The following EYS variants were observed in gnomAD, a reference collection of about 807,000 sequenced individuals.
EYS encodes protein eyes shut homolog.
In EYS, 250 loss-of-function variants were observed where a neutral mutation model predicts 282.1. That is an observed-to-expected ratio of 0.89 (90% CI 0.80 to 0.98). The LOEUF (loss-of-function observed/expected upper bound fraction) is 0.98. Among genes scored for constraint, EYS ranks in the 50% least tolerant of loss-of-function variants. The pLI is 0.00. For missense variants in EYS, 4,016 were observed against 3,709.0 expected (o/e 1.08, Z -2.15); for synonymous variants, 1,355 against 1,282.9 (o/e 1.06, Z -1.20).
intron 31 of EYS, among the ~76,000 whole-genome samples, chr6:64,092,826 C>T (rs550666660): frequency 0.014 from 2,058 of 150,146 alleles, 34 homozygotes; most frequent in African/African-American, 0.042. Context: ...GAAGTCCTTG[C>T]CCATGCCTAT....
chr6:64,005,184 G>T (rs1330138589), intron 33 of EYS, among the ~76,000 whole-genome samples: 3 of 152,128 alleles, frequency 2.0e-5, no homozygotes, highest in African/African-American at 7.2e-5. Flanking sequence ...GTATCTCCTT[G>T]TGGTTTTGAT....
In EYS at chr6:64,907,218, T is replaced by C. The variant is rs536822952; in HGVS notation, c.2642-4718A>G. Among the ~76,000 whole-genome samples, 4 of 152,238 alleles carry C rather than the reference T, an allele frequency of 2.6e-5. No individual in the cohort carries two copies. In the South Asian group the frequency reaches 8.3e-4, roughly 32 times the overall value. On this transcript the variant is annotated intron_variant, in intron 16 of 42. Coordinates refer to ENST00000503581, the MANE Select transcript of EYS (RefSeq NM_001142800.2). ...GCAGGCATGAACCACCACGCACTGC[T>C]AATTTTTTTTAAATTTTTTTGTAGA... is the stretch of plus-strand genomic sequence containing the variant.
intron 11 of EYS, chr6:65,300,759 T>G (rs1582116073): frequency 6.6e-6 from 1 of 152,248 alleles, no homozygotes; most frequent in African/African-American, 2.4e-5. Flanking sequence ...GTCTGTATTC[T>G]TTTACCTACA....
At chr6:64,571,648 G>T (rs764297519) in intron 26 of EYS, among the ~76,000 whole-genome samples, 1 of 151,946 alleles carries the variant, frequency 6.6e-6, no homozygotes, top group Non-Finnish European at 1.5e-5. Context: ...TGCTATAAAC[G>T]TCTCTATGCA....
At chr6:65,109,490 A>G (rs1016312164) in intron 12 of EYS, among the ~76,000 whole-genome samples, 6 of 152,000 alleles carry the variant, frequency 3.9e-5, no homozygotes, top group Admixed American at 3.9e-4. Flanking sequence ...ATTTGTCATT[A>G]CAAGAGTTGT....
intron 12 of EYS, among the ~76,000 whole-genome samples, chr6:65,114,421 G>A (rs1442801050): frequency 6.8e-6 from 1 of 147,494 alleles, no homozygotes; most frequent in Non-Finnish European, 1.5e-5. Context: ...CTGAAATCCT[G>A]GCATTCTTAT....
intron 12 of EYS, among the ~76,000 whole-genome samples, chr6:65,181,457 A>G (rs138733511): frequency 0.22 from 33,965 of 152,158 alleles, 3,947 homozygotes; most frequent in Middle Eastern, 0.24. Flanking sequence ...ACATGAAAAA[A>G]TGCTCACCAT....
intron 2 of EYS, among the ~76,000 whole-genome samples, chr6:65,521,105 A>G (rs1319155370): frequency 6.6e-6 from 1 of 152,174 alleles, no homozygotes; most frequent in Non-Finnish European, 1.5e-5. Context: ...AATTAAGAGA[A>G]AAATATAGTT....
chr6:65,558,981 T>C (rs1349583729), intron 2 of EYS, among the ~76,000 whole-genome samples: 1 of 152,160 alleles, frequency 6.6e-6, no homozygotes, highest in African/African-American at 2.4e-5. Flanking sequence ...TTAAAATCTG[T>C]TTAGAAACAT....
At chr6:65,382,457 CTG>C (rs55949006) in intron 8 of EYS, among the ~76,000 whole-genome samples, 5,645 of 111,802 alleles carry the variant, frequency 0.05, 141 homozygotes, top group Middle Eastern at 0.092. Context: ...CTCCTTTCCT[CTG>C]TGTGTGTGTG....
chr6:65,196,501 C>T (rs1442007373), intron 12 of EYS, among the ~76,000 whole-genome samples: 3 of 152,080 alleles, frequency 2.0e-5, no homozygotes, highest in Non-Finnish European at 4.4e-5. Flanking sequence ...CAATCACCTG[C>T]ATAGGGCAAT....
intron 2 of EYS, among the ~76,000 whole-genome samples, chr6:65,519,708 A>ATATATATATATATATTTTTT (rs1554205854): frequency 2.3e-5 from 1 of 42,560 alleles, no homozygotes; most frequent in African/African-American, 1.3e-4. Flanking sequence ...ATATATATAT[A>ATATATATATATATATTTTTT]TTTTTTTTTT....
intron 31 of EYS, among the ~76,000 whole-genome samples, chr6:64,121,010 A>G (rs1486582537): frequency 2.0e-5 from 3 of 151,994 alleles, no homozygotes; most frequent in African/African-American, 7.3e-5. Flanking sequence ...TGTTTTGATG[A>G]CTGTCAGCTA....
rs564151798 is a variant in EYS at position 64,590,763 on chromosome 6, A to G, written c.5104T>C (p.Leu1702=). The change falls in exon 26 of 43, where the codon TTG becomes CTG. Residue 1702 remains leucine, a synonymous_variant. Coordinates refer to ENST00000503581, the MANE Select transcript of EYS (RefSeq NM_001142800.2). ...LSVSENILKL[L]KIRQYGITMG... ...GTTATGCCATATTGTCTTATTTTCA[A>G]TAGTTTTAAAATGTTTTCTGATACT... 1.9e-5 allele frequency: 30 copies of G among 1,550,890 alleles called. No individual in the cohort carries two copies. In the African/African-American group the frequency reaches 3.0e-4, roughly 16 times the overall value.
At chr6:65,372,143 T>A (rs1316984921) in intron 8 of EYS, among the ~76,000 whole-genome samples, 5 of 151,870 alleles carry the variant, frequency 3.3e-5, no homozygotes, top group African/African-American at 9.7e-5. Flanking sequence ...TTAAAAAAAA[T>A]AAGATAAAAC....
intron 30 of EYS, among the ~76,000 whole-genome samples, chr6:64,245,894 C>T (rs1766996489): frequency 6.6e-6 from 1 of 151,754 alleles, no homozygotes; most frequent in Non-Finnish European, 1.5e-5. Flanking sequence ...TGGCGCACGC[C>T]TGTAGTCCCA....
intron 22 of EYS, among the ~76,000 whole-genome samples, chr6:64,650,323 C>T (rs967807240): frequency 3.3e-5 from 5 of 151,750 alleles, no homozygotes; most frequent in Non-Finnish European, 7.4e-5. Context: ...AGTGGTAACA[C>T]ATTAATTTAA....
intron 16 of EYS, among the ~76,000 whole-genome samples, chr6:64,904,620 G>A (rs1295120436): frequency 6.6e-6 from 1 of 152,206 alleles, no homozygotes; most frequent in Non-Finnish European, 1.5e-5. Flanking sequence ...CTTTAAGTCT[G>A]GTTAGTTTTC....
intron 22 of EYS, among the ~76,000 whole-genome samples, chr6:64,812,533 G>A (rs1764629214): frequency 1.3e-5 from 2 of 151,888 alleles, no homozygotes; most frequent in East Asian, 1.9e-4. Context: ...ATACGGAAGT[G>A]ACAGTATTGT....
Sources: allele counts gnomAD v4.1 joint callset (sites outside exome capture counted in the v4.1 genomes callset), GRCh38; gene constraint gnomAD v4.1.1; transcripts MANE v1.5; gene names NCBI Gene and HGNC (gene_info 2026-07-23, HGNC 2026-07-21).